Variants in KPNB1 observed in about 807,000 individuals in gnomAD.
The protein encoded by KPNB1 is karyopherin subunit beta 1, also known as importin subunit beta-1.
KPNB1 carries 7 observed loss-of-function variants against 113.0 expected under a neutral mutation model. The ratio of observed to expected loss-of-function variants is 0.06; its 90% CI spans 0.04 to 0.12. The LOEUF is 0.12. KPNB1 is among the 10% of genes least tolerant of loss of function. The pLI, the probability that KPNB1 is intolerant of heterozygous loss-of-function variation, is 1.00. For missense variants in KPNB1, 400 were observed against 1,054.8 expected, an observed-to-expected ratio of 0.38 and a Z score of 8.60; for synonymous variants, 363 against 378.6, an observed-to-expected ratio of 0.96 and a Z score of 0.48.
chr17:47,656,813 C>T, intron 3 of KPNB1, 47 bp from the exon 4 acceptor site: 2 of 1,585,230 alleles, frequency 1.3e-6, no homozygotes, highest in Non-Finnish European at 1.7e-6. Context: ...AAAATGTGGT[C>T]AAATAGTGTT....
chr17:47,681,268 T>C (rs530864359), intron 21 of KPNB1, among the ~76,000 whole-genome samples: 214 of 147,858 alleles, frequency 1.4e-3, no homozygotes, highest in African/African-American at 4.3e-3. Context: ...TCTTCTTCTT[T>C]TTTTTTTTTT....
intron 9 of KPNB1, among the ~76,000 whole-genome samples, chr17:47,666,546 T>TG (rs796632403): frequency 9.4e-6 from 1 of 106,474 alleles, no homozygotes; most frequent in Non-Finnish European, 2.1e-5. Context: ...ATATTATATA[T>TG]TATATATTAT....
intron 11 of KPNB1, 55 bp from the exon 12 acceptor site, chr17:47,670,647 A>T: frequency 6.7e-7 from 1 of 1,502,284 alleles, no homozygotes; most frequent in Non-Finnish European, 9.0e-7. Flanking sequence ...AAAATGAGAT[A>T]ATCCTAAGGT....
chr17:47,679,196 G>A (rs1267698662), intron 19 of KPNB1, among the ~76,000 whole-genome samples: 1 of 152,080 alleles, frequency 6.6e-6, no homozygotes, highest in Non-Finnish European at 1.5e-5. Context: ...AAAGTGATGG[G>A]ATTTCAGGCG....
At chr17:47,651,122 A>T (rs1915555297) in intron 2 of KPNB1, 1 of 647,934 alleles carries the variant, frequency 1.5e-6, no homozygotes, top group Non-Finnish European at 1.9e-6. Context: ...AAACAGACTG[A>T]GGCTCATCTT....
At chr17:47,678,016 T>G (rs1290612063) in intron 17 of KPNB1, 30 bp from the exon 18 acceptor site, 2 of 1,600,368 alleles carry the variant, frequency 1.2e-6, no homozygotes, top group Non-Finnish European at 1.7e-6. Context: ...AGTTTTGACT[T>G]AATTCACTTT....
Position 47,683,143 on chromosome 17 carries a change from C to CTT in KPNB1, c.*741_*742dup, listed in dbSNP as rs1179074341. The CTT allele has an allele frequency of 1.6e-5, 2 of 124,312 alleles. No homozygotes were observed. The highest frequency in any genetic ancestry group is 5.9e-5 in the African/African-American group (2 of 33,866). The allele number at this position is 124,312 out of a possible 1,614,324, so 7.7% of individuals were successfully genotyped here. ...AACACACACACAGAGGAAAGACGCTCTTTAGGTTTTGTTTTGTTTTTTTTT... is the reference window on the plus strand; with the variant it reads ...AACACACACACAGAGGAAAGACGCTCTTTTTAGGTTTTGTTTTGTTTTTTTTT... On this transcript the variant is annotated 3_prime_UTR_variant, in exon 22 of 22. Coordinates refer to ENST00000290158, the MANE Select transcript of KPNB1 (RefSeq NM_002265.6).
intron 10 of KPNB1, among the ~76,000 whole-genome samples, chr17:47,668,881 G>A (rs1000754301): frequency 1.3e-5 from 2 of 150,654 alleles, no homozygotes; most frequent in Non-Finnish European, 2.9e-5. Context: ...TAATGAAAAT[G>A]TTCTTATGGA....
chr17:47,682,602 G>A lies in KPNB1; in HGVS notation c.*198G>A, dbSNP rs2030817620. ...CCGCCAACAGCAGCGCTGTTAGTGA[G>A]CTAAGTAAGCACTGACTTCGTAGAA... On this transcript the variant is annotated 3_prime_UTR_variant, in exon 22 of 22. Coordinates refer to ENST00000290158, the MANE Select transcript of KPNB1 (RefSeq NM_002265.6). 1 of 599,150 alleles carries A rather than the reference G, an allele frequency of 1.7e-6. No individual in the cohort carries two copies. The highest frequency in any genetic ancestry group is 1.9e-5 in the African/African-American group (1 of 53,360). The allele number at this position is 599,150 out of a possible 1,614,324, so 37.1% of individuals were successfully genotyped here.
intron 15 of KPNB1, among the ~76,000 whole-genome samples, chr17:47,675,342 G>A (rs1053046955): frequency 6.8e-6 from 1 of 147,812 alleles, no homozygotes; most frequent in Admixed American, 6.8e-5. Flanking sequence ...AGTTTGCAAC[G>A]GAGATTGGCA....
intron 8 of KPNB1, 42 bp downstream of exon 8, chr17:47,664,311 A>G (rs371599676): frequency 2.4e-6 from 3 of 1,264,032 alleles, no homozygotes; most frequent in Non-Finnish European, 2.3e-6. Flanking sequence ...GCTTTGGGAC[A>G]TATCTCATTT....
Position 47,667,565 on chromosome 17 carries a change from T to G in KPNB1, c.1000-621T>G, listed in dbSNP as rs535028696. 6.6e-5 allele frequency among the ~76,000 whole-genome samples: 10 copies of G among 151,776 alleles called. No homozygotes were observed. In the South Asian group the frequency reaches 8.3e-4, roughly 13 times the overall value. ...TTATTATTATTTTTAATACTATGTT[T>G]TTTTTTTTTTCTGACAGAGTCTCAC... On this transcript the variant is annotated intron_variant, in intron 9 of 21. Coordinates refer to ENST00000290158, the MANE Select transcript of KPNB1 (RefSeq NM_002265.6).
intron 15 of KPNB1, among the ~76,000 whole-genome samples, chr17:47,675,629 G>A (rs538933347): frequency 5.2e-4 from 79 of 152,116 alleles, no homozygotes; most frequent in Non-Finnish European, 9.6e-4. Flanking sequence ...ATGGTGCCTG[G>A]TATGGGATGA....
chr17:47,668,731 A>G (rs138708779), intron 10 of KPNB1, among the ~76,000 whole-genome samples: 1 of 152,264 alleles, frequency 6.6e-6, no homozygotes, highest in East Asian at 1.9e-4. Context: ...TCCTGTGCAG[A>G]TTGTTTTATA....
intron 11 of KPNB1, 49 bp downstream of exon 11, chr17:47,669,918 G>T: frequency 1.5e-6 from 2 of 1,355,824 alleles, no homozygotes. Context: ...TGCGCCACTG[G>T]CAAGAAAGTA....
At chr17:47,662,827 G>T (rs1329887896) in intron 6 of KPNB1, among the ~76,000 whole-genome samples, 1 of 152,098 alleles carries the variant, frequency 6.6e-6, no homozygotes, top group Non-Finnish European at 1.5e-5. Flanking sequence ...AGGTTGCAGT[G>T]AGCCAAGATC....
chr17:47,664,340 C>T, intron 8 of KPNB1, 71 bp downstream of exon 8: 1 of 994,636 alleles, frequency 1.0e-6, no homozygotes. Flanking sequence ...TGTTCCCCTT[C>T]TAGGAGAACT....
chr17:47,676,513 A>G (rs372193146), intron 16 of KPNB1, 22 bp downstream of exon 16: 2 of 1,547,068 alleles, frequency 1.3e-6, no homozygotes, highest in African/African-American at 2.7e-5. Flanking sequence ...TTTTCAAAAT[A>G]GTATGTTCCC....
intron 4 of KPNB1, among the ~76,000 whole-genome samples, chr17:47,657,777 G>C (rs1388098984): frequency 4.6e-5 from 7 of 152,218 alleles, no homozygotes; most frequent in Non-Finnish European, 1.0e-4. Flanking sequence ...TGAAGTTGAT[G>C]AGTTTGACTT....
Sources: gnomAD v4.1 joint callset for allele counts (sites outside exome capture counted in the v4.1 genomes callset) on GRCh38, gnomAD v4.1.1 for gene constraint, MANE v1.5 for transcripts, NCBI Gene and HGNC (gene_info 2026-07-23, HGNC 2026-07-21) for gene names.